Variants in PDE4A observed in about 807,000 individuals in gnomAD.
PDE4A encodes the protein 3',5'-cyclic-AMP phosphodiesterase 4A.
Under a neutral mutation model 73.9 loss-of-function variants are expected in PDE4A, and 21 were observed. The ratio of observed to expected loss-of-function variants is 0.28; its 90% CI spans 0.20 to 0.41. The LOEUF (loss-of-function observed/expected upper bound fraction) is 0.41. Among genes scored for constraint, PDE4A ranks in the 10% least tolerant of loss-of-function variants. The pLI is 1.00. For synonymous variants in PDE4A, 463 were observed against 505.4 expected (o/e 0.92, Z 1.13); for missense variants, 958 against 1,211.4 (o/e 0.79, Z 3.10).
Position 10,420,603 on chromosome 19 carries a change from G to A in PDE4A, c.-162G>A, listed in dbSNP as rs1268538437. ...GGAAGCTGCAGAGCCCGGCCCGGGG[G>A]CGATTGGCCCGCAGCGCCCCCGGGT... On this transcript the variant is annotated 5_prime_UTR_variant, in exon 1 of 15. Coordinates refer to ENST00000380702, the MANE Select transcript of PDE4A (RefSeq NM_001111307.2). The surrounding 1 kb of genome is among the most constrained non-coding windows in gnomAD (Gnocchi z 6.0). 1 of 1,292,502 alleles carries A rather than the reference G, an allele frequency of 7.7e-7. No homozygotes were observed. Among genetic ancestry groups the A allele is most frequent in the Non-Finnish European group, 9.8e-7 (1 of 1,024,918 alleles). The allele number at this position is 1,292,502 out of a possible 1,614,324, so 80.1% of individuals were successfully genotyped here. A position where few individuals can be genotyped will look rare whatever the true frequency, so the allele number is the denominator to read the frequency against.
In PDE4A at chr19:10,453,893, G is replaced by A. The variant is rs1368543906; in HGVS notation, c.784-936G>A. Among the ~76,000 whole-genome samples the A allele has an allele frequency of 2.0e-5, 3 of 152,058 alleles. No individual in the cohort carries two copies. The highest frequency in any genetic ancestry group is 4.8e-5 in the African/African-American group (2 of 41,388). The stretch of plus-strand genomic sequence containing the variant: ...GTACCCAGGGTCTCTGGGTGGCACC[G>A]GGAGGAGGGAGCACCCCGTCCAAGC... On this transcript the variant is annotated intron_variant, in intron 6 of 14. Transcript: ENST00000380702. This position sits in a 1 kb window ranked among gnomAD's most constrained non-coding sequence, Gnocchi z 4.6.
chr19:10,468,077 C>G lies in PDE4A; in HGVS notation c.*456C>G, dbSNP rs556716143. ...CTGGGCCCAAGCAGGTGTGGGGCCT[C>G]CTTCTGGGCTTTTCTTCTGAATTTA... On this transcript the variant is annotated 3_prime_UTR_variant, in exon 15 of 15. Transcript: ENST00000380702. 4 of 153,638 alleles carry G rather than the reference C, an allele frequency of 2.6e-5. No homozygotes were observed. The highest frequency in any genetic ancestry group is 9.6e-5 in the African/African-American group (4 of 41,548). The allele number at this position is 153,638 out of a possible 1,614,324, so 9.5% of individuals were successfully genotyped here.
Position 10,459,507 on chromosome 19 carries a change from GAC to G in PDE4A, c.1200+11_1200+12del. On this transcript the variant is annotated intron_variant, in intron 9 of 14. Transcript: ENST00000380702. ...TGTACATGATATTCCAGGTGATGGG[GAC>G]AGCTGGGAGTGGGCCCGGGTGAGGG... 1 of 1,612,928 alleles carries G rather than the reference GAC, an allele frequency of 6.2e-7. No homozygotes were observed. The highest frequency in any genetic ancestry group is 8.5e-7 in the Non-Finnish European group (1 of 1,179,020).
At chr19:10,464,183 C>T (rs1002166436) in intron 14 of PDE4A, among the ~76,000 whole-genome samples, 7 of 152,252 alleles carry the variant, frequency 4.6e-5, no homozygotes, top group African/African-American at 9.6e-5. Flanking sequence ...CTGCAACCTC[C>T]GCCTCCCAGG....
At chr19:10,437,953 C>T (rs1481117650) in intron 1 of PDE4A, among the ~76,000 whole-genome samples, 1 of 151,608 alleles carries the variant, frequency 6.6e-6, no homozygotes, top group Non-Finnish European at 1.5e-5. Context: ...CACAGGCGCA[C>T]ACCATCATCA....
chr19:10,432,592 C>G, intron 1 of PDE4A: 1 of 1,509,024 alleles, frequency 6.6e-7, no homozygotes, highest in African/African-American at 1.5e-5. Context: ...CGTGGCCAGT[C>G]AGTCCTCTCT....
At position 10,459,642 on chromosome 19, in the gene PDE4A, G is replaced by A. The variant is rs985214992; in HGVS notation, c.1248G>A (p.Val416=). 4.3e-6 allele frequency: 7 copies of A among 1,614,132 alleles called. No homozygotes were observed. The highest frequency in any genetic ancestry group is 5.9e-6 in the Non-Finnish European group (7 of 1,180,058). ...TCCGCATCCCTGTGGACACGATGGT[G>A]ACATACATGCTGACGCTGGAGGATC... ...KKFRIPVDTM[V]TYMLTLEDHY... The change falls in exon 10 of 15, where the codon GTG becomes GTA. Residue 416 remains valine (V), a synonymous_variant. Transcript: ENST00000380702.
chr19:10,466,309 A>G (rs914759750), intron 14 of PDE4A, among the ~76,000 whole-genome samples: 1 of 147,436 alleles, frequency 6.8e-6, no homozygotes, highest in Non-Finnish European at 1.5e-5. Flanking sequence ...GCCAGGCACG[A>G]TGGCGGGCGC....
chr19:10,427,013 A>C (rs1048706427), intron 1 of PDE4A, among the ~76,000 whole-genome samples: 1 of 151,898 alleles, frequency 6.6e-6, no homozygotes, highest in Non-Finnish European at 1.5e-5. Context: ...AAAATGAGGG[A>C]GGTAAGGGCC....
rs375043820 is a variant in PDE4A at position 10,457,913 on chromosome 19, G to A, written c.912G>A (p.Thr304=). Residue 304 remains threonine, a synonymous_variant, in exon 8 of 15, where the codon ACG becomes ACA. Coordinates refer to ENST00000380702, the MANE Select transcript of PDE4A (RefSeq NM_001111307.2). ...KQNEVEIPSP[T]MKEREKQQAP... ...ATGAAGTGGAGATCCCATCACCCAC[G>A]ATGAAGGAACGAGAAAAACAGCAAG... 50 of 1,612,518 alleles carry A rather than the reference G, an allele frequency of 3.1e-5. No homozygotes were observed. The highest frequency in any genetic ancestry group is 4.0e-5 in the African/African-American group (3 of 74,918).
intron 11 of PDE4A, 52 bp from the exon 12 acceptor site, chr19:10,461,474 C>T: frequency 6.3e-7 from 1 of 1,595,746 alleles, no homozygotes; most frequent in South Asian, 1.1e-5. Flanking sequence ...GGCCCTCCTG[C>T]GGTTGGAGCT....
At chr19:10,446,524 C>T in intron 2 of PDE4A, 115 bp downstream of exon 2, 1 of 1,257,732 alleles carries the variant, frequency 8.0e-7, no homozygotes, top group Non-Finnish European at 1.1e-6. Flanking sequence ...CACTCCCAAC[C>T]TGTCCTCCCC....
intron 12 of PDE4A, 29 bp downstream of exon 12, chr19:10,461,709 G>T (rs1156876898): frequency 1.2e-6 from 2 of 1,610,834 alleles, no homozygotes; most frequent in African/African-American, 2.7e-5. Context: ...GGACGGAGCG[G>T]GAAAGGAAGC....
chr19:10,433,212 G>A (rs1339379084), intron 1 of PDE4A, among the ~76,000 whole-genome samples: 1 of 151,952 alleles, frequency 6.6e-6, no homozygotes, highest in African/African-American at 2.4e-5. Flanking sequence ...GGTGTTTACC[G>A]TACTAGGTAT....
At chr19:10,444,827 C>A (rs1409062640) in intron 1 of PDE4A, among the ~76,000 whole-genome samples, 2 of 152,092 alleles carry the variant, frequency 1.3e-5, no homozygotes, top group Middle Eastern at 3.2e-3. Context: ...CATCCACCAC[C>A]ACGCCTGGCT....
chr19:10,418,903 G>A, upstream of PDE4A: 2 of 984,720 alleles, frequency 2.0e-6, no homozygotes, highest in Non-Finnish European at 2.4e-6. Context: ...GTAATGGGGG[G>A]GGTGTTCCTG....
At position 10,420,949 on chromosome 19, in the gene PDE4A, A is replaced by C. The variant is rs112190412; in HGVS notation, c.185A>C (p.His62Pro). 4 of 1,562,326 alleles carry C rather than the reference A, an allele frequency of 2.6e-6. No homozygotes were observed. The highest frequency in any genetic ancestry group is 3.4e-6 in the Non-Finnish European group (4 of 1,163,168). The change falls in exon 1 of 15, where the codon CAC becomes CCC. Residue 62 changes from histidine (H) to proline (P), a missense_variant. By Grantham distance (77) the His-to-Pro change is moderately conservative. Coordinates refer to ENST00000380702, the MANE Select transcript of PDE4A (RefSeq NM_001111307.2). This position sits in a 1 kb window ranked among gnomAD's most constrained non-coding sequence, Gnocchi z 6.0. ...AERAERERQP[H>P]RPIERADAMD... ...CGCGCCGAGCGGGAGCGGCAGCCGC[A>C]CCGGCCCATAGAGCGCGCCGATGCC... is the stretch of plus-strand genomic sequence containing the variant.
chr19:10,459,447 G>A lies in PDE4A; in HGVS notation c.1149G>A (p.Ser383=), dbSNP rs201574760. The A allele has an allele frequency of 9.3e-6, 15 of 1,614,184 alleles. No individual in the cohort carries two copies. Among genetic ancestry groups the A allele is most frequent in the Middle Eastern group, 1.6e-4 (1 of 6,062 alleles). The part of the protein sequence containing the change: ...NKWGLNIFCV[S]DYAGGRSLTC... ...GGGGCCTGAACATCTTTTGCGTGTC[G>A]GATTACGCTGGAGGCCGCTCACTCA... The change falls in exon 9 of 15, where the codon TCG becomes TCA. Residue 383 remains serine, a synonymous_variant. Coordinates refer to ENST00000380702, the MANE Select transcript of PDE4A (RefSeq NM_001111307.2).
chr19:10,428,435 C>G (rs1369224502), intron 1 of PDE4A, among the ~76,000 whole-genome samples: 1 of 151,808 alleles, frequency 6.6e-6, no homozygotes, highest in African/African-American at 2.4e-5. Context: ...GCTAGAGGCA[C>G]TGGATGCACA....
Sources: gnomAD v4.1 joint callset for allele counts (sites outside exome capture counted in the v4.1 genomes callset) on GRCh38, gnomAD v4.1.1 for gene constraint, Gnocchi (gnomAD v3.1) non-coding constraint, MANE v1.5 for transcripts, NCBI Gene and HGNC (gene_info 2026-07-23, HGNC 2026-07-21) for gene names.